IGSF1: variants seen among roughly 807,000 people sequenced by gnomAD.
IGSF1 encodes the protein immunoglobulin superfamily member 1.
A neutral mutation model predicts 95.3 loss-of-function variants in IGSF1; 40 were observed. That is an observed-to-expected ratio of 0.42 (90% CI 0.33 to 0.55). The LOEUF (loss-of-function observed/expected upper bound fraction) is 0.55, where lower values mean the gene tolerates loss of function less well. Among genes scored for constraint, IGSF1 ranks in the 20% least tolerant of loss-of-function variants. IGSF1 has a pLI of 0.10. For synonymous variants in IGSF1, 372 were observed against 382.9 expected, an observed-to-expected ratio of 0.97 and a Z score of 0.33; for missense variants, 906 against 1,025.4, an observed-to-expected ratio of 0.88 and a Z score of 1.59.
chrX:131,284,235 A>G (rs1346442542), intron 5 of IGSF1: 2 of 267,911 alleles, frequency 7.5e-6, no homozygotes, highest in Admixed American at 9.2e-5. Flanking sequence ...AAATCCTCAC[A>G]ACAACCCTGT....
rs759234968 is a variant in IGSF1 at position 131,283,248 on chromosome X, T to A, written c.684A>T (p.Pro228=). 1 of 1,205,809 alleles carries A rather than the reference T, an allele frequency of 8.3e-7. No individual in the cohort carries two copies. The highest frequency in any genetic ancestry group is 1.1e-6 in the Non-Finnish European group (1 of 891,862). Residue 228 remains proline (P), a synonymous_variant, in exon 6 of 20, where the codon CCA becomes CCT. Transcript: ENST00000361420. ...KLVVAGLYPK[P]TLTAHPGPIM... ...TGGGCCCAGGATGGGCTGTCAAAGT[T>A]GGTTTGGGGTAGAGTCCTACAAACG...
intron 6 of IGSF1, 49 bp from the exon 7 acceptor site, chrX:131,282,786 C>T (rs2080581470): frequency 1.8e-6 from 2 of 1,088,332 alleles, no homozygotes; most frequent in African/African-American, 3.7e-5. Flanking sequence ...ACTTCCTGCT[C>T]CCACTCCTTA....
chrX:131,278,851 C>G (rs1051525119), intron 11 of IGSF1, 100 bp from the exon 12 acceptor site: 1 of 782,553 alleles, frequency 1.3e-6, no homozygotes, highest in East Asian at 3.2e-5. Context: ...CCCACCTCCC[C>G]TTGCAACCCA....
chrX:131,282,814 T>C, intron 6 of IGSF1, 77 bp from the exon 7 acceptor site: 1 of 1,043,090 alleles, frequency 9.6e-7, no homozygotes, highest in Non-Finnish European at 1.3e-6. Context: ...TTTCCTTCTC[T>C]TCCTCCAAAC....
Position 131,276,181 on chromosome X carries a change from G to T in IGSF1, c.2676C>A (p.Ile892=). 8.3e-7 allele frequency: 1 copy of T among 1,210,029 alleles called. No individual in the cohort carries two copies. The highest frequency in any genetic ancestry group is 1.1e-6 in the Non-Finnish European group (1 of 894,607). Residue 892 remains isoleucine, a synonymous_variant, in exon 15 of 20, where the codon ATC becomes ATA. Transcript: ENST00000361420. ...CCTGGAAAGTCCCTTGGCAGCGCAG[G>T]ATCACACTCTTCCCAGGAAACACCA... is the stretch of plus-strand genomic sequence containing the variant. ...GPVVFPGKSV[I]LRCQGTFQGM...
Position 131,286,041 on chromosome X carries a change from G to T in IGSF1, c.105C>A (p.Asp35Glu). 8.4e-7 allele frequency: 1 copy of T among 1,192,807 alleles called. No individual in the cohort carries two copies. Among genetic ancestry groups the T allele is most frequent in the South Asian group, 1.9e-5 (1 of 54,035 alleles). ...MSLGMTSIVM[D>E]PQPELWIESN... is the part of the protein sequence containing the mutation. ...ACTCTATCCACAACTCTGGTTGAGG[G>T]TCCATCACTGTTATTCCCAAAGATC... The change falls in exon 4 of 20, where the codon GAC (aspartate) becomes GAA (glutamate). Residue 35 changes from aspartate (D) to glutamate (E), a missense_variant. Coordinates refer to ENST00000361420, the MANE Select transcript of IGSF1 (RefSeq NM_001555.5).
Position 131,277,083 on chromosome X carries a change from T to A in IGSF1, c.2464A>T (p.Arg822Trp), listed in dbSNP as rs1274068517. Residue 822 changes from arginine (R) to tryptophan (W), a missense_variant, in exon 14 of 20, where the codon AGG becomes TGG. Coordinates refer to ENST00000361420, the MANE Select transcript of IGSF1 (RefSeq NM_001555.5). ...KDGSEIASSD[R>W]SWASPGASAA... The stretch of plus-strand genomic sequence containing the variant: ...CTGGCCCCCGGACTTGCCCAGGACC[T>A]GTCACTGGATGCTATTTCACTTCCA... 1.7e-6 allele frequency: 2 copies of A among 1,211,134 alleles called. No homozygotes were observed. The highest frequency in any genetic ancestry group is 2.2e-6 in the Non-Finnish European group (2 of 895,037).
At position 131,286,648 on chromosome X, in the gene IGSF1, C is replaced by A. The variant is rs777996376; in HGVS notation, c.27G>T (p.Gly9=). The A allele has an allele frequency of 1.8e-5, 22 of 1,201,539 alleles. No homozygotes were observed. The African/African-American group carries it at 3.2e-4, about 17-fold the overall frequency. ...CAGTGAATGTCTTCAGCATGGTGGC[C>A]CCCTCCCCTGGTCTGTCCAGGGTCA... The part of the protein sequence containing the change: MTLDRPGE[G]ATMLKTFTVL... Residue 9 remains glycine, a synonymous_variant, in exon 2 of 20, where the codon GGG becomes GGT. Transcript: ENST00000361420.
rs1223457139 is a variant in IGSF1, at chrX:131,279,288, G to A, written c.1700C>T (p.Thr567Met). The change falls in exon 10 of 20, where the codon ACG (threonine) becomes ATG (methionine). Residue 567 changes from threonine (T) to methionine (M), a missense_variant. Thr to Met is a moderately conservative substitution (Grantham distance 81). Transcript: ENST00000361420. ...GTACTCACCACAGCAGAGAAGGGCCGTGACTATGAAGAGCATGGTGACCCC... is the reference window on the plus strand; with the variant it reads ...GTACTCACCACAGCAGAGAAGGGCCATGACTATGAAGAGCATGGTGACCCC... ...AQGVTMLFIVTALLCCGLCNG... is the reference protein window; with the variant it reads ...AQGVTMLFIVMALLCCGLCNG... 11 of 1,211,029 alleles carry A rather than the reference G, an allele frequency of 9.1e-6. No homozygotes were observed. Among genetic ancestry groups the A allele is most frequent in the Non-Finnish European group, 1.2e-5 (11 of 895,025 alleles).
At position 131,281,462 on chromosome X, in the gene IGSF1, CCTT is replaced by C. The variant is rs2080558200; in HGVS notation, c.1526-127_1526-125del. 4.0e-5 allele frequency: 37 copies of C among 931,216 alleles called. No individual in the cohort carries two copies. In the South Asian group the frequency reaches 7.7e-4, roughly 19 times the overall value. The allele number at this position is 931,216 out of a possible 1,213,427, so 76.7% of individuals were successfully genotyped here. On this transcript the variant is annotated intron_variant, in intron 8 of 19. Coordinates refer to ENST00000361420, the MANE Select transcript of IGSF1 (RefSeq NM_001555.5). ...TATTGAGAAGGTGAGGCAGAAGTGG[CCTT>C]CTTTTTCATGGAGAATGGGAGCCTT... is the stretch of plus-strand genomic sequence containing the variant.
At position 131,278,565 on chromosome X, in the gene IGSF1, G is replaced by C; in HGVS notation, c.1937C>G (p.Pro646Arg). Residue 646 changes from proline (P) to arginine (R), a missense_variant, in exon 12 of 20, where the codon CCC (proline) becomes CGC (arginine). This residue lies in a region of IGSF1 where 40 missense variants were observed against 33.4 expected (regional missense o/e 1.20). Transcript: ENST00000361420. ...PASEQVRAAFPLGALTQSHTG... is the reference protein window; with the variant it reads ...PASEQVRAAFRLGALTQSHTG... ...GTGGCTCTGGGTCAGGGCGCCAAGG[G>C]GGAAGGCAGCCCGGACCTGCTCTGA... 8.3e-7 allele frequency: 1 copy of C among 1,211,266 alleles called. No individual in the cohort carries two copies.
chrX:131,278,787 C>A, intron 11 of IGSF1, 36 bp from the exon 12 acceptor site: 1 of 1,121,224 alleles, frequency 8.9e-7, no homozygotes, highest in Non-Finnish European at 1.2e-6. Context: ...CATCCTCCCG[C>A]CTCCCTTCCC....
At position 131,277,884 on chromosome X, in the gene IGSF1, G is replaced by A. The variant is rs1442022931; in HGVS notation, c.2292C>T (p.Pro764=). ...TTATGACAAGCTCCAGCGGCTCACT[G>A]GGCTCAGACCACTTGAAGGGGCGTT... The part of the protein sequence containing the change: ...TEKRPFKWSE[P]SEPLELVIKE... Residue 764 remains proline, a synonymous_variant, in exon 13 of 20, where the codon CCC becomes CCT. Coordinates refer to ENST00000361420, the MANE Select transcript of IGSF1 (RefSeq NM_001555.5). The A allele has an allele frequency of 1.3e-5, 16 of 1,207,729 alleles. No homozygotes were observed. The highest frequency in any genetic ancestry group is 1.8e-5 in the Non-Finnish European group (16 of 894,555).
At chrX:131,279,202 C>T (rs376358533) in intron 10 of IGSF1, 27 bp from the exon 11 acceptor site, 12 of 1,208,781 alleles carry the variant, frequency 9.9e-6, no homozygotes, top group South Asian at 3.5e-5. Flanking sequence ...TGCCAGGACT[C>T]GGCCCCCTCC....
intron 1 of IGSF1, 182 bp downstream of exon 1, chrX:131,289,032 C>A (rs1029722932): frequency 1.8e-5 from 5 of 282,591 alleles, no homozygotes; most frequent in Non-Finnish European, 3.4e-5. Flanking sequence ...CGAGGCAGGT[C>A]TGGGATCCGG....
Position 131,279,175 on chromosome X carries a change from C to T in IGSF1, c.1718G>A (p.Gly573Glu). 8.3e-7 allele frequency: 1 copy of T among 1,211,359 alleles called. No homozygotes were observed. The highest frequency in any genetic ancestry group is 1.1e-6 in the Non-Finnish European group (1 of 895,007). ...TTCTATCAATACCCCATTGCACAGTCCTGCAAAAGAAATTGCTGCCAGGAC... is the reference window on the plus strand; with the variant it reads ...TTCTATCAATACCCCATTGCACAGTTCTGCAAAAGAAATTGCTGCCAGGAC... ...LFIVTALLCC[G>E]LCNGVLIEET... is the part of the protein sequence containing the mutation. The change falls in exon 11 of 20, where the codon GGA becomes GAA. Residue 573 changes from glycine (G) to glutamate (E), a missense_variant and splice_region_variant. Physicochemically the swap from Gly to Glu is moderately conservative, Grantham distance 98 (BLOSUM62 -2). This residue lies in a region of IGSF1 where 442 missense variants were observed against 448.1 expected (regional missense o/e 0.99). Transcript: ENST00000361420.
At position 131,274,623 on chromosome X, in the gene IGSF1, G is replaced by T. The variant is rs771794539; in HGVS notation, c.3727C>A (p.Pro1243Thr). The T allele has an allele frequency of 8.3e-5, 101 of 1,210,011 alleles. No homozygotes were observed. Among genetic ancestry groups the T allele is most frequent in the Non-Finnish European group, 1.1e-4 (96 of 894,999 alleles). ...YPDIWSEPSD[P>T]LELVGAAGPV... is the part of the protein sequence containing the mutation. Reference sequence around the variant, plus strand: ...CCTGCTGCCCCCACCAGCTCCAGGGGATCACTAGGCTCTGACCAGATATCA... The same window carrying T: ...CCTGCTGCCCCCACCAGCTCCAGGGTATCACTAGGCTCTGACCAGATATCA... Residue 1243 changes from proline (P) to threonine (T), a missense_variant, in exon 18 of 20, where the codon CCC (proline) becomes ACC (threonine). Coordinates refer to ENST00000361420, the MANE Select transcript of IGSF1 (RefSeq NM_001555.5).
rs140360153 is a variant in IGSF1 at position 131,274,250 on chromosome X, G to A, written c.3752-44C>T. On this transcript the variant is annotated intron_variant, in intron 18 of 19. Coordinates refer to ENST00000361420, the MANE Select transcript of IGSF1 (RefSeq NM_001555.5). ...AGAAACCGAGGCCATGGAGATTAGC[G>A]TGTGTATGTTCCCCTTGATCTGGTA... 41 of 1,201,143 alleles carry A rather than the reference G, an allele frequency of 3.4e-5. No individual in the cohort carries two copies. The East Asian group carries it at 8.3e-4, about 24-fold the overall frequency.
chrX:131,277,955 C>G lies in IGSF1; in HGVS notation c.2221G>C (p.Glu741Gln). 8.3e-7 allele frequency: 1 copy of G among 1,211,050 alleles called. No homozygotes were observed. ...CTGTAATTGCCTTCGTCTTTATCCT[C>G]CATTCTCTGGATTGTAAAGAAGGCT... ...REAFFTIQRM[E>Q]DKDEGNYSCR... Residue 741 changes from glutamate (E) to glutamine (Q), a missense_variant, in exon 13 of 20, where the codon GAG (glutamate) becomes CAG (glutamine). Glu to Gln is a conservative substitution (Grantham distance 29). Around this residue, in one of 5 missense-constraint regions of IGSF1, gnomAD observed 411 missense variants for 494.9 expected, o/e 0.83. Transcript: ENST00000361420.
Sources: allele counts gnomAD v4.1 joint callset, GRCh38; gene constraint gnomAD v4.1.1; regional missense constraint gnomAD v4.1.1; transcripts MANE v1.5; gene names NCBI Gene and HGNC (gene_info 2026-07-23, HGNC 2026-07-21).